The following ZNF79 variants were observed in gnomAD, a reference collection of about 807,000 sequenced individuals.
The protein encoded by ZNF79 is ZNFpT7.
Under a neutral mutation model 14.9 loss-of-function variants are expected in ZNF79, and 13 were observed. The observed-to-expected ratio is 0.87, with a 90% CI of 0.57 to 1.38. The LOEUF (loss-of-function observed/expected upper bound fraction) is 1.38, where lower values mean the gene tolerates loss of function less well. ZNF79 is among the 40% of genes most tolerant of loss of function. The probability of loss-of-function intolerance (pLI) is 0.00; values close to 1 mark genes in which losing one functional copy is unlikely to be tolerated. For synonymous variants in ZNF79, 223 were observed against 235.1 expected, an observed-to-expected ratio of 0.95 and a Z score of 0.47; for missense variants, 631 against 630.6, an observed-to-expected ratio of 1.00 and a Z score of -0.01.
rs1415359712 is a variant in ZNF79, at chr9:127,435,222, G to A, written c.232+6G>A. The A allele has an allele frequency of 2.8e-5, 45 of 1,580,738 alleles. No homozygotes were observed. Among genetic ancestry groups the A allele is most frequent in the Non-Finnish European group, 3.8e-5 (45 of 1,169,486 alleles). On this transcript the variant is annotated splice_donor_region_variant and intron_variant, in intron 3 of 4. Coordinates refer to ENST00000342483, the MANE Select transcript of ZNF79 (RefSeq NM_007135.3). ...CAGGAGCCTTGTCCTACTAGGTAAG[G>A]AAACTGTTTCTTTAAGATTTAGAAT...
At chr9:127,437,344 C>CG (rs1042847518) in intron 4 of ZNF79, among the ~76,000 whole-genome samples, 1 of 151,684 alleles carries the variant, frequency 6.6e-6, no homozygotes, top group Non-Finnish European at 1.5e-5. Flanking sequence ...CAAGGCCCCC[C>CG]CCCGCTGCCT....
At position 127,445,242 on chromosome 9, in the gene ZNF79, C is replaced by T. The variant is rs1834150171; in HGVS notation, c.*45C>T. 6.3e-7 allele frequency: 1 copy of T among 1,586,782 alleles called. No homozygotes were observed. The highest frequency in any genetic ancestry group is 1.7e-5 in the Admixed American group (1 of 58,900). On this transcript the variant is annotated 3_prime_UTR_variant, in exon 5 of 5. Coordinates refer to ENST00000342483, the MANE Select transcript of ZNF79 (RefSeq NM_007135.3). ...GGAGAGAGTCCCGGACATGCCGACT[C>T]AGGACAGGTGGGTGAGGATCTGAGA...
chr9:127,440,870 C>T (rs76709740), intron 4 of ZNF79, among the ~76,000 whole-genome samples: 7,269 of 152,074 alleles, frequency 0.048, 597 homozygotes, highest in African/African-American at 0.17. Flanking sequence ...TTGGCCTGAA[C>T]AGTTGGGTAA....
intron 4 of ZNF79, among the ~76,000 whole-genome samples, chr9:127,440,669 T>C (rs1834033113): frequency 6.6e-6 from 1 of 152,180 alleles, no homozygotes; most frequent in Admixed American, 6.5e-5. Flanking sequence ...GTGTGAAGAA[T>C]GGACATTCGA....
At chr9:127,430,486 A>G (rs10739692) in intron 2 of ZNF79, among the ~76,000 whole-genome samples, 92,462 of 151,934 alleles carry the variant, frequency 0.61, 28,482 homozygotes, top group African/African-American at 0.64. Context: ...TATACTTGGT[A>G]TTTAGCTTCC....
chr9:127,427,835 C>A (rs1301676795), intron 1 of ZNF79, among the ~76,000 whole-genome samples: 1 of 152,080 alleles, frequency 6.6e-6, no homozygotes, highest in Non-Finnish European at 1.5e-5. Flanking sequence ...CTTGACAGAG[C>A]CTGTTGGAGC....
At chr9:127,431,901 C>T (rs982839155) in intron 2 of ZNF79, among the ~76,000 whole-genome samples, 1 of 152,064 alleles carries the variant, frequency 6.6e-6, no homozygotes, top group Non-Finnish European at 1.5e-5. Context: ...AGGTGTGCAA[C>T]TTTATTTCCG....
At chr9:127,428,590 A>G (rs1351022726) in intron 1 of ZNF79, 12 of 1,077,368 alleles carry the variant, frequency 1.1e-5, no homozygotes, top group Non-Finnish European at 1.4e-5. Context: ...CGTGATTTGC[A>G]CACTGCTGCT....
intron 1 of ZNF79, 83 bp downstream of exon 1, chr9:127,424,886 A>G (rs754186215): frequency 6.3e-6 from 10 of 1,597,990 alleles, no homozygotes; most frequent in Non-Finnish European, 8.5e-6. Flanking sequence ...GAGCCGAATC[A>G]GAACTCTCTT....
chr9:127,429,487 A>AT (rs10718320), intron 2 of ZNF79, among the ~76,000 whole-genome samples: 53 of 141,144 alleles, frequency 3.8e-4, no homozygotes, highest in Middle Eastern at 3.5e-3. Flanking sequence ...TGCCTAGCTA[A>AT]TTTTTTTTTT....
Position 127,435,120 on chromosome 9 carries a change from G to A in ZNF79, c.136G>A (p.Ala46Thr). The A allele has an allele frequency of 1.2e-6, 2 of 1,612,710 alleles. No individual in the cohort carries two copies. Among genetic ancestry groups the A allele is most frequent in the Non-Finnish European group, 1.7e-6 (2 of 1,179,366 alleles). Reference protein sequence around the residue: ...GSTFFSSVTVAFAQERWRCLV... With the variant: ...GSTFFSSVTVTFAQERWRCLV... ...CACATTCTTCAGCAGTGTGACGGTA[G>A]CTTTTGCACAGGAAAGGTGGAGGTG... is the stretch of plus-strand genomic sequence containing the variant. Residue 46 changes from alanine (A) to threonine (T), a missense_variant, in exon 3 of 5, where the codon GCT (alanine) becomes ACT (threonine). Coordinates refer to ENST00000342483, the MANE Select transcript of ZNF79 (RefSeq NM_007135.3).
At position 127,439,704 on chromosome 9, in the gene ZNF79, A is replaced by G. The variant is rs75888250; in HGVS notation, c.328+3701A>G. On this transcript the variant is annotated intron_variant, in intron 4 of 4. Coordinates refer to ENST00000342483, the MANE Select transcript of ZNF79 (RefSeq NM_007135.3). ...AGTTCTACTCATTCTGATTCATTGA[A>G]TCATTCATCAATCAGCAAATGTGCC... 5.5e-3 allele frequency among the ~76,000 whole-genome samples: 835 copies of G among 152,286 alleles called. 5 individuals carry two copies. Among genetic ancestry groups the G allele is most frequent in the Non-Finnish European group, 9.0e-3 (610 of 68,012 alleles).
chr9:127,441,319 T>C (rs920323202), intron 4 of ZNF79, among the ~76,000 whole-genome samples: 1 of 152,168 alleles, frequency 6.6e-6, no homozygotes, highest in East Asian at 1.9e-4. Flanking sequence ...TAGCACTTAC[T>C]GTGTCTCAAC....
chr9:127,429,374 G>A (rs1438702777), intron 2 of ZNF79, among the ~76,000 whole-genome samples: 2 of 150,682 alleles, frequency 1.3e-5, no homozygotes, highest in Admixed American at 6.6e-5. Flanking sequence ...AGAATGCAGC[G>A]CAGTGGTGAA....
chr9:127,443,838 T>C (rs933168750), intron 4 of ZNF79, among the ~76,000 whole-genome samples, 191 bp from the exon 5 acceptor site: 1 of 149,154 alleles, frequency 6.7e-6, no homozygotes, highest in Non-Finnish European at 1.5e-5. Context: ...GAGGCGGAGG[T>C]TGCAGTGAGC....
chr9:127,445,222 G>A lies in ZNF79; in HGVS notation c.*25G>A, dbSNP rs761514213. ...ACTAGGAACATGGTAGAAGTGGAGA[G>A]AGTCCCGGACATGCCGACTCAGGAC... is the stretch of plus-strand genomic sequence containing the variant. On this transcript the variant is annotated 3_prime_UTR_variant, in exon 5 of 5. Coordinates refer to ENST00000342483, the MANE Select transcript of ZNF79 (RefSeq NM_007135.3). 6.2e-7 allele frequency: 1 copy of A among 1,608,790 alleles called. No individual in the cohort carries two copies. The highest frequency in any genetic ancestry group is 8.5e-7 in the Non-Finnish European group (1 of 1,176,618).
At chr9:127,436,035 CT>C in intron 4 of ZNF79, 32 bp downstream of exon 4, 2 of 1,595,778 alleles carry the variant, frequency 1.3e-6, no homozygotes, top group African/African-American at 1.3e-5. Context: ...CAGTGGGAGT[CT>C]TGGGAGCAAA....
Position 127,444,964 on chromosome 9 carries a change from T to C in ZNF79, c.1264T>C (p.Cys422Arg), listed in dbSNP as rs1834137588. 1.2e-6 allele frequency: 2 copies of C among 1,614,004 alleles called. No homozygotes were observed. Among genetic ancestry groups the C allele is most frequent in the Non-Finnish European group, 8.5e-7 (1 of 1,180,036 alleles). The stretch of plus-strand genomic sequence containing the variant: ...GGAGAAGCCATATAAATGTAATGAA[T>C]GTGGGAAATTCTTCAGTGAGAGCTC... ...TGEKPYKCNECGKFFSESSAL... is the reference protein window; with the variant it reads ...TGEKPYKCNERGKFFSESSAL... Residue 422 changes from cysteine (C) to arginine (R), a missense_variant, in exon 5 of 5, where the codon TGT becomes CGT. Transcript: ENST00000342483.
In ZNF79 at chr9:127,424,817, G is replaced by C; in HGVS notation, c.16+14G>C. ...TGGAGGAAGGAGGTGAGGAGTGGTA[G>C]AGGGAGCGATTGTCAAGAGATCGGC... is the stretch of plus-strand genomic sequence containing the variant. On this transcript the variant is annotated intron_variant, in intron 1 of 4. Coordinates refer to ENST00000342483, the MANE Select transcript of ZNF79 (RefSeq NM_007135.3). The C allele has an allele frequency of 6.2e-7, 1 of 1,613,898 alleles. No homozygotes were observed. The highest frequency in any genetic ancestry group is 8.5e-7 in the Non-Finnish European group (1 of 1,179,954).
Sources: allele counts gnomAD v4.1 joint callset (sites outside exome capture counted in the v4.1 genomes callset), GRCh38; gene constraint gnomAD v4.1.1; transcripts MANE v1.5; gene names NCBI Gene and HGNC (gene_info 2026-07-23, HGNC 2026-07-21).